Variants in DTNA observed in about 807,000 individuals in gnomAD.
DTNA encodes dystrobrevin alpha, also known as dystrophin-related protein 3.
In DTNA, 43 loss-of-function variants were observed where a neutral mutation model predicts 100.7. The observed-to-expected ratio is 0.43, with a 90% confidence interval of 0.33 to 0.55. DTNA has a LOEUF of 0.55. Among genes scored for constraint, DTNA ranks in the 20% least tolerant of loss-of-function variants. DTNA has a pLI of 0.04. For synonymous variants in DTNA, 349 were observed against 347.9 expected (o/e 1.00, Z -0.04); for missense variants, 798 against 953.9 (o/e 0.84, Z 2.15).
At chr18:34,695,693 A>G (rs2080433465) in intron 1 of DTNA, among the ~76,000 whole-genome samples, 1 of 152,202 alleles carries the variant, frequency 6.6e-6, no homozygotes, top group Non-Finnish European at 1.5e-5. Context: ...GTTTAACATA[A>G]TGTCCTTCTC....
Position 34,597,025 on chromosome 18 carries a change from C to G in DTNA, c.-2+103511C>G, listed in dbSNP as rs188046484. On this transcript the variant is annotated intron_variant, in intron 1 of 19. Coordinates refer to the DTNA transcript ENST00000283365. ...CTAGCCCCCAATTCCCTGACAGGCC[C>G]CAGTGTGTGATGTTCCCCTCCCTGT... Among the ~76,000 whole-genome samples the G allele has an allele frequency of 6.9e-3, 1,055 of 152,228 alleles. 20 individuals carry two copies. Among genetic ancestry groups the G allele is most frequent in the Admixed American group, 0.025 (388 of 15,298 alleles).
At chr18:34,517,636 C>T (rs1243001872) in intron 1 of DTNA, among the ~76,000 whole-genome samples, 7 of 151,978 alleles carry the variant, frequency 4.6e-5, no homozygotes, top group Admixed American at 4.6e-4. Context: ...CCTCTGACAA[C>T]CTGTAATCTC....
At chr18:34,752,799 A>T (rs893877995) in intron 1 of DTNA, among the ~76,000 whole-genome samples, 2 of 152,240 alleles carry the variant, frequency 1.3e-5, no homozygotes, top group African/African-American at 4.8e-5. Flanking sequence ...AAGTTAATTA[A>T]TCAAAAAAAA....
In DTNA at chr18:34,503,444, C is replaced by T. The variant is rs575228481; in HGVS notation, c.-2+9930C>T. 3.3e-3 allele frequency among the ~76,000 whole-genome samples: 496 copies of T among 151,868 alleles called. 3 individuals carry two copies. The highest frequency in any genetic ancestry group is 0.011 in the African/African-American group (473 of 41,400). On this transcript the variant is annotated intron_variant, in intron 1 of 19. Transcript: ENST00000283365. ...CTGGGACTACAGGTGCCCACCATCA[C>T]ACCTGGCTAATTTTTTGTATTTTTA... is the stretch of plus-strand genomic sequence containing the variant.
chr18:34,843,687 T>C (rs2096316640), intron 13 of DTNA, among the ~76,000 whole-genome samples: 1 of 152,140 alleles, frequency 6.6e-6, no homozygotes, highest in Non-Finnish European at 1.5e-5. Context: ...TCTCCAAATA[T>C]AGTCACATTC....
intron 17 of DTNA, among the ~76,000 whole-genome samples, chr18:34,873,521 G>T (rs147772107): frequency 5.9e-5 from 9 of 152,132 alleles, no homozygotes; most frequent in African/African-American, 2.2e-4. Context: ...CAAGGCTCCC[G>T]CAGCCCAGGG....
chr18:34,798,645 A>T (rs1006842834), intron 4 of DTNA, among the ~76,000 whole-genome samples: 1 of 152,228 alleles, frequency 6.6e-6, no homozygotes, highest in Non-Finnish European at 1.5e-5. Flanking sequence ...ATTATCATAT[A>T]TACTCAGTCA....
intron 1 of DTNA, among the ~76,000 whole-genome samples, chr18:34,721,771 T>A (rs1424670274): frequency 6.6e-6 from 1 of 152,076 alleles, no homozygotes; most frequent in Non-Finnish European, 1.5e-5. Context: ...TACGTATGTG[T>A]TTGTCTTTGT....
At chr18:34,531,749 A>G (rs1234870594) in intron 1 of DTNA, among the ~76,000 whole-genome samples, 2 of 152,060 alleles carry the variant, frequency 1.3e-5, no homozygotes, top group Non-Finnish European at 2.9e-5. Flanking sequence ...GGAATTTTAA[A>G]CCCTTTCTGA....
At chr18:34,674,969 A>C (rs1372398416) in intron 1 of DTNA, among the ~76,000 whole-genome samples, 2 of 152,156 alleles carry the variant, frequency 1.3e-5, no homozygotes, top group Non-Finnish European at 2.9e-5. Context: ...GAAGGAATTC[A>C]CGTGGTATAT....
intron 1 of DTNA, among the ~76,000 whole-genome samples, chr18:34,700,420 A>G (rs1247301201): frequency 1.3e-5 from 2 of 152,162 alleles, no homozygotes; most frequent in Non-Finnish European, 2.9e-5. Context: ...TGTTCATTAA[A>G]GGGTCTTTTG....
At chr18:34,882,025 C>T (rs762077050) in intron 20 of DTNA, 44 bp from the exon 21 acceptor site, 6 of 1,613,798 alleles carry the variant, frequency 3.7e-6, no homozygotes, top group Non-Finnish European at 5.1e-6. Context: ...TTGTAATTCT[C>T]TTTTAAGATT....
At chr18:34,877,310 G>C (rs543485856) in intron 18 of DTNA, among the ~76,000 whole-genome samples, 2 of 152,234 alleles carry the variant, frequency 1.3e-5, no homozygotes, top group African/African-American at 4.8e-5. Context: ...AATAATAGCA[G>C]CTAGGAAGGC....
At chr18:34,559,940 G>T (rs1158970066) in intron 1 of DTNA, among the ~76,000 whole-genome samples, 1 of 152,174 alleles carries the variant, frequency 6.6e-6, no homozygotes, top group Non-Finnish European at 1.5e-5. Flanking sequence ...GAATTATTAT[G>T]ATTGTAAACT....
At chr18:34,783,425 T>C (rs542798844) in intron 3 of DTNA, among the ~76,000 whole-genome samples, 1 of 152,370 alleles carries the variant, frequency 6.6e-6, no homozygotes, top group South Asian at 2.1e-4. Context: ...GAAGGTTTAT[T>C]ACATCATCTT....
intron 1 of DTNA, among the ~76,000 whole-genome samples, chr18:34,670,612 C>T (rs989164264): frequency 2.6e-5 from 4 of 152,078 alleles, no homozygotes; most frequent in African/African-American, 9.7e-5. Flanking sequence ...TGTGGATGTC[C>T]TTTCTGTTTG....
chr18:34,526,194 A>G (rs1046802021), intron 1 of DTNA, among the ~76,000 whole-genome samples: 1 of 152,174 alleles, frequency 6.6e-6, no homozygotes, highest in African/African-American at 2.4e-5. Flanking sequence ...ATTTCATAAA[A>G]TGTTGTTTCA....
At chr18:34,879,888 G>T (rs970273621) in intron 20 of DTNA, among the ~76,000 whole-genome samples, 169 bp downstream of exon 20, 6 of 152,120 alleles carry the variant, frequency 3.9e-5, no homozygotes, top group African/African-American at 1.4e-4. Context: ...ATTCGGCATT[G>T]TAATATTTCC....
chr18:34,531,249 G>C (rs979653088), intron 1 of DTNA, among the ~76,000 whole-genome samples: 1 of 150,562 alleles, frequency 6.6e-6, no homozygotes, highest in African/African-American at 2.5e-5. Context: ...ACCTAACACT[G>C]TTGAGATAGG....
Sources: gnomAD v4.1 joint callset for allele counts (sites outside exome capture counted in the v4.1 genomes callset) on GRCh38, gnomAD v4.1.1 for gene constraint, MANE v1.5 for transcripts, NCBI Gene and HGNC (gene_info 2026-07-23, HGNC 2026-07-21) for gene names.